Variants in ESRRB observed in about 807,000 individuals in gnomAD.
The protein encoded by ESRRB is steroid hormone receptor ERR2.
A neutral mutation model predicts 46.0 loss-of-function variants in ESRRB; 16 were observed. The observed-to-expected ratio is 0.35, with a 90% CI of 0.24 to 0.53. The LOEUF (loss-of-function observed/expected upper bound fraction) is 0.53. Ranked by LOEUF, ESRRB falls within the 20% of genes least tolerant of loss-of-function variation. The pLI is 0.93. For synonymous variants in ESRRB, 246 were observed against 259.6 expected (o/e 0.95, Z 0.50); for missense variants, 488 against 607.4 (o/e 0.80, Z 2.07).
At chr14:76,445,482 A>AAAAAAG (rs1555398182) in intron 2 of ESRRB, among the ~76,000 whole-genome samples, 8 of 120,066 alleles carry the variant, frequency 6.7e-5, no homozygotes, top group African/African-American at 3.0e-4. Context: ...AAAAAAAAAA[A>AAAAAAG]AAAGAAAGAA....
intron 3 of ESRRB, among the ~76,000 whole-genome samples, chr14:76,469,947 T>TC (rs2035671373): frequency 2.1e-4 from 27 of 129,522 alleles, no homozygotes; most frequent in African/African-American, 8.4e-4. Context: ...TTTTTTTCTT[T>TC]TTTTTTTTTT....
intron 1 of ESRRB, among the ~76,000 whole-genome samples, chr14:76,381,510 C>T (rs1319927188): frequency 6.6e-6 from 1 of 152,168 alleles, no homozygotes; most frequent in Admixed American, 6.5e-5. Flanking sequence ...CCTCTTGAGA[C>T]ACTGTCACCC....
rs1369032677 is a variant in ESRRB, at chr14:76,499,965, A to G, written c.*1507A>G. 6.2e-7 allele frequency: 1 copy of G among 1,609,120 alleles called. No homozygotes were observed. The highest frequency in any genetic ancestry group is 8.5e-7 in the Non-Finnish European group (1 of 1,177,728). The stretch of plus-strand genomic sequence containing the variant: ...AGCTGCCTTCACAAGCAGGGATCAG[A>G]GCAACTCCCCGGGGATCCCCAATCC... On this transcript the variant is annotated 3_prime_UTR_variant, in exon 7 of 7. Transcript: ENST00000644823.
chr14:76,363,899 C>A (rs1307959293), intron 1 of ESRRB, among the ~76,000 whole-genome samples: 4 of 152,204 alleles, frequency 2.6e-5, no homozygotes, highest in Non-Finnish European at 5.9e-5. Context: ...AGACTGTTTT[C>A]TGGCCTTGAG....
At chr14:76,488,829 G>A (rs572967765) in intron 5 of ESRRB, among the ~76,000 whole-genome samples, 19 of 152,234 alleles carry the variant, frequency 1.2e-4, no homozygotes, top group African/African-American at 4.3e-4. Flanking sequence ...TCCCCAGTGC[G>A]TGCTCTCAGG....
At position 76,415,584 on chromosome 14, in the gene ESRRB, C is replaced by T. The variant is rs1411781777; in HGVS notation, c.51-23757C>T. Among the ~76,000 whole-genome samples, 7 of 152,112 alleles carry T rather than the reference C, an allele frequency of 4.6e-5. No individual in the cohort carries two copies. The East Asian group carries it at 7.7e-4, about 17-fold the overall frequency. On this transcript the variant is annotated intron_variant, in intron 1 of 6. Transcript: ENST00000644823. The stretch of plus-strand genomic sequence containing the variant: ...CTGAGACAGAAGAATCACTTGAACC[C>T]GGAAGGTGGAGTTTACAGTGAGCTG...
chr14:76,370,391 T>A (rs894704773), upstream of ESRRB, among the ~76,000 whole-genome samples: 1 of 151,542 alleles, frequency 6.6e-6, no homozygotes, highest in African/African-American at 2.4e-5. Flanking sequence ...AGAGTGAAAC[T>A]CTGTCTCAAA....
intron 1 of ESRRB, among the ~76,000 whole-genome samples, chr14:76,433,147 G>A (rs1054919841): frequency 8.5e-5 from 13 of 152,120 alleles, no homozygotes; most frequent in Non-Finnish European, 1.5e-4. Context: ...CTGTAGAGAC[G>A]CTTCTTCAAA....
At chr14:76,407,533 T>C in intron 1 of ESRRB, 2 of 985,476 alleles carry the variant, frequency 2.0e-6, no homozygotes, top group Non-Finnish European at 2.4e-6. Flanking sequence ...TTCCCATCTG[T>C]TCTGTTTAGG....
chr14:76,468,114 A>C (rs376468434), intron 3 of ESRRB, among the ~76,000 whole-genome samples: 18 of 152,112 alleles, frequency 1.2e-4, no homozygotes, highest in African/African-American at 4.1e-4. Context: ...GGAGGCCCTG[A>C]TCAGGTTCCC....
intron 3 of ESRRB, among the ~76,000 whole-genome samples, chr14:76,474,974 A>C (rs1191955563): frequency 6.6e-6 from 1 of 151,936 alleles, no homozygotes; most frequent in Non-Finnish European, 1.5e-5. Flanking sequence ...CATACCTGTA[A>C]TCCCAGCACT....
chr14:76,361,642 G>A (rs978939592), intron 1 of ESRRB, among the ~76,000 whole-genome samples: 2 of 152,178 alleles, frequency 1.3e-5, no homozygotes, highest in African/African-American at 4.8e-5. Context: ...AAGGACTCAA[G>A]TAACAGTGGG....
chr14:76,358,396 A>G (rs963198283), intron 1 of ESRRB, among the ~76,000 whole-genome samples: 12 of 136,034 alleles, frequency 8.8e-5, no homozygotes, highest in African/African-American at 1.1e-4. Flanking sequence ...AGAAAGAAAG[A>G]AAGAAAGAAA....
chr14:76,363,242 A>G (rs949029030), intron 1 of ESRRB, among the ~76,000 whole-genome samples: 5 of 152,154 alleles, frequency 3.3e-5, no homozygotes, highest in African/African-American at 1.2e-4. Flanking sequence ...AGCCCTCTTT[A>G]TTTTGCTGAG....
intron 1 of ESRRB, among the ~76,000 whole-genome samples, chr14:76,358,379 G>A (rs373038514): frequency 1.6e-5 from 1 of 64,292 alleles, no homozygotes; most frequent in Non-Finnish European, 3.5e-5. Flanking sequence ...AAGAAAGAAA[G>A]AAAGAAAGAA....
At chr14:76,446,961 C>T (rs1475060062) in intron 2 of ESRRB, among the ~76,000 whole-genome samples, 3 of 152,154 alleles carry the variant, frequency 2.0e-5, no homozygotes, top group Admixed American at 2.0e-4. Flanking sequence ...ACCCTGTCAC[C>T]CTGTGTCTCT....
At chr14:76,372,975 A>C (rs1330386733), upstream of ESRRB, among the ~76,000 whole-genome samples, 1 of 152,240 alleles carries the variant, frequency 6.6e-6, no homozygotes, top group Non-Finnish European at 1.5e-5. Context: ...AGAGAAATTT[A>C]CAAATTTCCT....
chr14:76,449,640 C>G (rs539938346), intron 2 of ESRRB, among the ~76,000 whole-genome samples: 3 of 152,016 alleles, frequency 2.0e-5, no homozygotes, highest in Admixed American at 6.6e-5. Context: ...CTTCTTAGGA[C>G]CATGTGTCTT....
At chr14:76,495,003 A>T (rs1203123753) in intron 6 of ESRRB, among the ~76,000 whole-genome samples, 1 of 152,110 alleles carries the variant, frequency 6.6e-6, no homozygotes, top group African/African-American at 2.4e-5. Context: ...TCTTCCCTTG[A>T]TCTCACATGG....
Sources: allele counts gnomAD v4.1 joint callset (sites outside exome capture counted in the v4.1 genomes callset), GRCh38; gene constraint gnomAD v4.1.1; transcripts MANE v1.5; gene names NCBI Gene and HGNC (gene_info 2026-07-23, HGNC 2026-07-21).